ZNF804B: variants seen among roughly 807,000 people sequenced by gnomAD.
The protein encoded by ZNF804B is zinc finger 804B.
A neutral mutation model predicts 101.4 loss-of-function variants in ZNF804B; 80 were observed. That is an observed-to-expected ratio of 0.79 (90% CI 0.66 to 0.95). The LOEUF is 0.95. Ranked by LOEUF, ZNF804B falls within the 40% of genes least tolerant of loss-of-function variation. ZNF804B has a pLI of 0.00. For synonymous variants in ZNF804B, 622 were observed against 558.8 expected (o/e 1.11, Z -1.59); for missense variants, 1,673 against 1,561.9 (o/e 1.07, Z -1.20).
At chr7:89,288,070 C>T (rs1790234706) in intron 2 of ZNF804B, among the ~76,000 whole-genome samples, 1 of 151,578 alleles carries the variant, frequency 6.6e-6, no homozygotes, top group African/African-American at 2.4e-5. Context: ...CTAGATATTA[C>T]AGTTAACAGA....
rs796987599 is a variant in ZNF804B, at chr7:88,854,533, T to TTCCTTTCCTTCCCTTCCCTTCCCTTC, written c.108+94449_108+94450insTCCTTTCCTTCCCTTCCCTTCCCTTC. 5.5e-4 allele frequency among the ~76,000 whole-genome samples: 43 copies of TTCCTTTCCTTCCCTTCCCTTCCCTTC among 78,184 alleles called. 2 individuals carry two copies. Among genetic ancestry groups the TTCCTTTCCTTCCCTTCCCTTCCCTTC allele is most frequent in the African/African-American group, 1.5e-3 (25 of 17,150 alleles). 51.3% of individuals were successfully genotyped at this position (78,184 alleles called of 152,430 possible). A position where few individuals can be genotyped will look rare whatever the true frequency, so the allele number is the denominator to read the frequency against. ...TTTCCTTTCCTTTCCTTCCTTTCCTTCCTTCCTTCCTTCCTTCCTTCCTTC... is the reference window on the plus strand; with the variant it reads ...TTTCCTTTCCTTTCCTTCCTTTCCTTTCCTTTCCTTCCCTTCCCTTCCCTTCCCTTCCTTCCTTCCTTCCTTCCTTC... On this transcript the variant is annotated intron_variant, in intron 1 of 3. Coordinates refer to ENST00000333190, the MANE Select transcript of ZNF804B (RefSeq NM_181646.5).
intron 1 of ZNF804B, among the ~76,000 whole-genome samples, chr7:88,879,439 A>G (rs932484602): frequency 6.6e-6 from 1 of 152,240 alleles, no homozygotes; most frequent in African/African-American, 2.4e-5. Flanking sequence ...AATATTGTCT[A>G]TAACACTTAT....
intron 1 of ZNF804B, among the ~76,000 whole-genome samples, chr7:89,135,149 C>T (rs1263577848): frequency 6.6e-6 from 1 of 152,224 alleles, no homozygotes; most frequent in South Asian, 2.1e-4. Flanking sequence ...ATCACCATTT[C>T]TTTTCCATGA....
At chr7:88,948,306 A>ATTTTTTTTTTTTTTTTTTTTTTTTTT (rs68069374) in intron 1 of ZNF804B, among the ~76,000 whole-genome samples, 2 of 92,702 alleles carry the variant, frequency 2.2e-5, no homozygotes, top group Non-Finnish European at 4.0e-5. Context: ...CCACCCATCC[A>ATTTTTTTTTTTTTTTTTTTTTTTTTT]TTTTTTTTTT....
chr7:89,219,377 A>G (rs1788946159), intron 2 of ZNF804B, among the ~76,000 whole-genome samples: 1 of 149,856 alleles, frequency 6.7e-6, no homozygotes, highest in Non-Finnish European at 1.5e-5. Flanking sequence ...GTTATTTAAT[A>G]AATGAAACAT....
In ZNF804B at chr7:89,263,590, C is replaced by CT. The variant is rs11333304; in HGVS notation, c.249+45307dup. On this transcript the variant is annotated intron_variant, in intron 2 of 3. Coordinates refer to ENST00000333190, the MANE Select transcript of ZNF804B (RefSeq NM_181646.5). ...AACCACACGAACCTGTGAATGTGAC[C>CT]TTTTTTTTTTTTAAGGTGACTTATG... Among the ~76,000 whole-genome samples, 952 of 146,400 alleles carry CT rather than the reference C, an allele frequency of 6.5e-3. 11 individuals carry two copies. Among genetic ancestry groups the CT allele is most frequent in the South Asian group, 0.052 (241 of 4,600 alleles).
chr7:89,304,212 A>G (rs1055044823), intron 2 of ZNF804B, among the ~76,000 whole-genome samples: 2 of 151,876 alleles, frequency 1.3e-5, no homozygotes, highest in African/African-American at 4.8e-5. Flanking sequence ...TCTCTGTGGG[A>G]CCATAGGAAC....
rs572538020 is a variant in ZNF804B at position 89,330,626 on chromosome 7, G to T, written c.381-2737G>T. Among the ~76,000 whole-genome samples, 3 of 151,140 alleles carry T rather than the reference G, an allele frequency of 2.0e-5. 1 individual carries two copies. In the South Asian group the frequency reaches 6.2e-4, roughly 31 times the overall value. On this transcript the variant is annotated intron_variant, in intron 3 of 3. Coordinates refer to ENST00000333190, the MANE Select transcript of ZNF804B (RefSeq NM_181646.5). ...AATAATAAGAATAACTTTGATTTAAGAAAAAGCAAATTAAAATTTATAAAG... is the reference window on the plus strand; with the variant it reads ...AATAATAAGAATAACTTTGATTTAATAAAAAGCAAATTAAAATTTATAAAG...
rs1790785926 is a variant in ZNF804B at position 89,145,959 on chromosome 7, T to C, written c.109-72196T>C. Among the ~76,000 whole-genome samples, 3 of 152,098 alleles carry C rather than the reference T, an allele frequency of 2.0e-5. No homozygotes were observed. In the South Asian group the frequency reaches 6.2e-4, roughly 31 times the overall value. ...CTGCATTAGCTAATCTCAAAAACTT[T>C]CTGGCATGATACCAAAATGAACTGA... On this transcript the variant is annotated intron_variant, in intron 1 of 3. Coordinates refer to ENST00000333190, the MANE Select transcript of ZNF804B (RefSeq NM_181646.5).
chr7:88,801,950 C>A (rs1375343443), intron 1 of ZNF804B, among the ~76,000 whole-genome samples: 1 of 151,988 alleles, frequency 6.6e-6, no homozygotes, highest in Non-Finnish European at 1.5e-5. Flanking sequence ...TGGCCCCACC[C>A]AAATCTCATT....
intron 1 of ZNF804B, among the ~76,000 whole-genome samples, chr7:89,168,239 A>C (rs975491732): frequency 3.9e-5 from 6 of 152,128 alleles, no homozygotes; most frequent in African/African-American, 1.4e-4. Flanking sequence ...TTAAGAAAAC[A>C]CAAATCAATG....
intron 1 of ZNF804B, among the ~76,000 whole-genome samples, chr7:89,133,044 C>A (rs1790576289): frequency 6.6e-6 from 1 of 151,962 alleles, no homozygotes; most frequent in Admixed American, 6.6e-5. Context: ...TAACCTAAAT[C>A]TAAGAGGGCT....
intron 1 of ZNF804B, among the ~76,000 whole-genome samples, chr7:89,124,176 A>G (rs1448792428): frequency 1.3e-5 from 2 of 152,162 alleles, no homozygotes; most frequent in African/African-American, 4.8e-5. Flanking sequence ...ACAAACTTGT[A>G]CTGCAGTTAG....
chr7:89,001,863 A>G (rs1289611917), intron 1 of ZNF804B, among the ~76,000 whole-genome samples: 2 of 151,832 alleles, frequency 1.3e-5, no homozygotes, highest in Non-Finnish European at 2.9e-5. Context: ...TGTATTTTGT[A>G]TTATTATTGT....
intron 1 of ZNF804B, among the ~76,000 whole-genome samples, chr7:89,160,850 T>A (rs568215847): frequency 3.5e-4 from 53 of 152,264 alleles, no homozygotes; most frequent in Non-Finnish European, 5.6e-4. Flanking sequence ...TTATTCCCAT[T>A]TACTAGTTGA....
intron 1 of ZNF804B, among the ~76,000 whole-genome samples, chr7:89,160,095 T>C (rs1791036590): frequency 6.6e-6 from 1 of 152,190 alleles, no homozygotes; most frequent in Non-Finnish European, 1.5e-5. Flanking sequence ...AGGTAAGCCA[T>C]ATCATTTAGA....
At chr7:89,086,096 G>C (rs1789796673) in intron 1 of ZNF804B, among the ~76,000 whole-genome samples, 1 of 151,932 alleles carries the variant, frequency 6.6e-6, no homozygotes, top group South Asian at 2.1e-4. Flanking sequence ...AGTTAGGAAA[G>C]AGCCTGTTAT....
chr7:88,857,133 G>T (rs915376690), intron 1 of ZNF804B, among the ~76,000 whole-genome samples: 3 of 151,932 alleles, frequency 2.0e-5, no homozygotes, highest in Admixed American at 6.6e-5. Context: ...GAAATTTATG[G>T]CACTAAATGC....
intron 2 of ZNF804B, among the ~76,000 whole-genome samples, chr7:89,251,286 T>C (rs1432448780): frequency 4.6e-5 from 7 of 152,194 alleles, no homozygotes; most frequent in Non-Finnish European, 1.0e-4. Flanking sequence ...ACAGCACTTC[T>C]ATACACCAAT....
Sources: gnomAD v4.1 joint callset for allele counts (sites outside exome capture counted in the v4.1 genomes callset) on GRCh38, gnomAD v4.1.1 for gene constraint, MANE v1.5 for transcripts, NCBI Gene and HGNC (gene_info 2026-07-23, HGNC 2026-07-21) for gene names.